The following AGO1 variants were observed in gnomAD, a reference collection of about 807,000 sequenced individuals.
AGO1 encodes the protein protein argonaute-1.
In AGO1, 11 loss-of-function variants were observed where a neutral mutation model predicts 109.2. The ratio of observed to expected loss-of-function variants is 0.10; its 90% CI spans 0.06 to 0.17. AGO1 has a LOEUF of 0.17. Ranked by LOEUF, AGO1 falls within the 10% of genes least tolerant of loss-of-function variation. The probability of loss-of-function intolerance (pLI) is 1.00; values close to 1 mark genes in which losing one functional copy is unlikely to be tolerated. For synonymous variants in AGO1, 422 were observed against 418.6 expected, an observed-to-expected ratio of 1.01 and a Z score of -0.10; for missense variants, 574 against 1,140.3, an observed-to-expected ratio of 0.50 and a Z score of 7.15.
chr1:35,918,418 A>G lies in AGO1; in HGVS notation c.2260A>G (p.Ile754Val). 1.2e-6 allele frequency: 2 copies of G among 1,613,434 alleles called. No homozygotes were observed. Among genetic ancestry groups the G allele is most frequent in the Non-Finnish European group, 1.7e-6 (2 of 1,179,328 alleles). The change falls in exon 17 of 19, where the codon ATC (isoleucine) becomes GTC (valine). Residue 754 changes from isoleucine (I) to valine (V), a missense_variant. By Grantham distance (29) the Ile-to-Val change is conservative. This residue lies in a region of AGO1 where 62 missense variants were observed against 192.0 expected (regional missense o/e 0.32). Transcript: ENST00000373204. ...FDFYLCSHAG[I>V]QGTSRPSHYY... ...CTTCTATCTGTGCAGCCACGCAGGC[A>G]TCCAGGTAGCTGGGCTTTATCTTGT...
chr1:35,888,434 C>A lies in AGO1; in HGVS notation c.33C>A (p.Gly11=). The A allele has an allele frequency of 6.2e-7, 1 of 1,613,952 alleles. No homozygotes were observed. The highest frequency in any genetic ancestry group is 2.2e-5 in the East Asian group (1 of 44,890). MEAGPSGAAA[G]AYLPPLQQVF... ...AGCCTCTTTGTCTTGTAGCTGCGGGCGCTTACCTGCCCCCCCTGCAGCAGG... is the reference window on the plus strand; with the variant it reads ...AGCCTCTTTGTCTTGTAGCTGCGGGAGCTTACCTGCCCCCCCTGCAGCAGG... Residue 11 remains glycine (G), a synonymous_variant, in exon 2 of 19, where the codon GGC becomes GGA. Coordinates refer to ENST00000373204, the MANE Select transcript of AGO1 (RefSeq NM_012199.5). This position sits in a 1 kb window ranked among gnomAD's most constrained non-coding sequence, Gnocchi z 4.1.
chr1:35,880,235 GGTGTAACTGAGCTGGGACCTTTGCCCTA>G (rs1338910825), upstream of AGO1, among the ~76,000 whole-genome samples: 5 of 152,046 alleles, frequency 3.3e-5, no homozygotes, highest in African/African-American at 4.8e-5. Flanking sequence ...CCTTTGCCCT[GGTGTAACTGAGCTGGGACCTTTGCCCTA>G]GTGTAACTGA....
Position 35,900,663 on chromosome 1 carries a change from G to T in AGO1, c.1021-811G>T, listed in dbSNP as rs1293289622. On this transcript the variant is annotated intron_variant, in intron 8 of 18. Transcript: ENST00000373204. The stretch of plus-strand genomic sequence containing the variant: ...AATCGCTTGAACCTGGGAGGTGAAG[G>T]TTGCAGTAAGCCGAGATCGTGCCAT... 2.6e-5 allele frequency among the ~76,000 whole-genome samples: 4 copies of T among 152,148 alleles called. No individual in the cohort carries two copies. The East Asian group carries it at 7.7e-4, about 29-fold the overall frequency.
At position 35,901,043 on chromosome 1, in the gene AGO1, G is replaced by C. The variant is rs530823271; in HGVS notation, c.1021-431G>C. The stretch of plus-strand genomic sequence containing the variant: ...GTCACCCAGGCTGGCGTTCAGTGGC[G>C]TGATCTGGGCTCACTGCAACCTCCG... On this transcript the variant is annotated intron_variant, in intron 8 of 18. Coordinates refer to ENST00000373204, the MANE Select transcript of AGO1 (RefSeq NM_012199.5). This position sits in a 1 kb window ranked among gnomAD's most constrained non-coding sequence, Gnocchi z 4.8. Among the ~76,000 whole-genome samples, 7 of 150,040 alleles carry C rather than the reference G, an allele frequency of 4.7e-5. No individual in the cohort carries two copies. In the East Asian group the frequency reaches 1.4e-3, roughly 30 times the overall value.
chr1:35,904,101 C>T (rs1162400834), intron 11 of AGO1, among the ~76,000 whole-genome samples: 1 of 149,604 alleles, frequency 6.7e-6, no homozygotes, highest in Non-Finnish European at 1.5e-5. Context: ...GTCTCCTTTC[C>T]TGAGCTCTTT....
intron 7 of AGO1, 109 bp from the exon 8 acceptor site, chr1:35,895,013 G>T: frequency 7.5e-7 from 1 of 1,326,192 alleles, no homozygotes; most frequent in Non-Finnish European, 1.0e-6. Context: ...ACATCATATT[G>T]GGGCCAAATG....
chr1:35,913,830 C>G lies in AGO1; in HGVS notation c.1583-12C>G. ...TGTTGAATGCACTAATCATTTCTCT[C>G]CCTGCCCTTAGCTGAGGTGAAACGT... On this transcript the variant is annotated splice_polypyrimidine_tract_variant and intron_variant, in intron 12 of 18. Coordinates refer to ENST00000373204, the MANE Select transcript of AGO1 (RefSeq NM_012199.5). 6.2e-7 allele frequency: 1 copy of G among 1,612,986 alleles called. No homozygotes were observed. The highest frequency in any genetic ancestry group is 8.5e-7 in the Non-Finnish European group (1 of 1,179,372).
intron 2 of AGO1, among the ~76,000 whole-genome samples, chr1:35,890,065 C>T (rs1645189480): frequency 6.6e-6 from 1 of 151,978 alleles, no homozygotes; most frequent in South Asian, 2.1e-4. Flanking sequence ...CTCTGTCATC[C>T]AGGCTAGAGT....
chr1:35,915,138 C>G (rs1451810096), intron 14 of AGO1, among the ~76,000 whole-genome samples: 1 of 152,032 alleles, frequency 6.6e-6, no homozygotes, highest in Non-Finnish European at 1.5e-5. Flanking sequence ...AGCAGGTGTT[C>G]TTATCACCAT....
chr1:35,901,471 C>T lies in AGO1; in HGVS notation c.1021-3C>T. 1 of 1,613,972 alleles carries T rather than the reference C, an allele frequency of 6.2e-7. No homozygotes were observed. The highest frequency in any genetic ancestry group is 1.6e-4 in the Middle Eastern group (1 of 6,062). On this transcript the variant is annotated splice_region_variant and splice_polypyrimidine_tract_variant and intron_variant, in intron 8 of 18. Coordinates refer to ENST00000373204, the MANE Select transcript of AGO1 (RefSeq NM_012199.5). The surrounding 1 kb of genome is among the most constrained non-coding windows in gnomAD (Gnocchi z 4.8). Reference sequence around the variant, plus strand: ...GAGCTACCTGTCCTTCTTGTTTCCTCAGGTCTGTAACATTGTGGCTGGGCA... The same window carrying T: ...GAGCTACCTGTCCTTCTTGTTTCCTTAGGTCTGTAACATTGTGGCTGGGCA...
chr1:35,914,016 G>A lies in AGO1; in HGVS notation c.1742+15G>A. 6.2e-7 allele frequency: 1 copy of A among 1,613,838 alleles called. No homozygotes were observed. Among genetic ancestry groups the A allele is most frequent in the Non-Finnish European group, 8.5e-7 (1 of 1,179,850 alleles). ...CCACACCAGCGGTATGAACTCTGTT[G>A]TCCACTTGCCCTTGTCAAGGTACCA... is the stretch of plus-strand genomic sequence containing the variant. On this transcript the variant is annotated intron_variant, in intron 13 of 18. Transcript: ENST00000373204.
intron 1 of AGO1, among the ~76,000 whole-genome samples, chr1:35,878,030 G>A (rs1033412958): frequency 1.3e-5 from 2 of 150,518 alleles, no homozygotes; most frequent in African/African-American, 4.9e-5. Flanking sequence ...TGATTTGGGG[G>A]GTTAAATATA....
rs1393337895 is a variant in AGO1, at chr1:35,927,196, A to G, written c.*7589A>G. On this transcript the variant is annotated 3_prime_UTR_variant, in exon 19 of 19. Coordinates refer to ENST00000373204, the MANE Select transcript of AGO1 (RefSeq NM_012199.5). ...TTTCTACAGTATCTTATATAATTGC[A>G]TCTTACAGCATCTTTACATGCGAAA... The G allele has an allele frequency of 1.3e-5, 2 of 152,094 alleles. No homozygotes were observed. The highest frequency in any genetic ancestry group is 3.9e-4 in the East Asian group (2 of 5,190). The allele number at this position is 152,094 out of a possible 1,614,324, so 9.4% of individuals were successfully genotyped here. A position where few individuals can be genotyped will look rare whatever the true frequency, so the allele number is the denominator to read the frequency against.
upstream of AGO1, among the ~76,000 whole-genome samples, chr1:35,878,304 C>T (rs1047195198): frequency 2.0e-5 from 3 of 151,834 alleles, no homozygotes; most frequent in Non-Finnish European, 2.9e-5. Context: ...CCAGGACAGT[C>T]TCAATCTCCT....
At chr1:35,916,734 T>C (rs1645742815) in intron 15 of AGO1, among the ~76,000 whole-genome samples, 1 of 152,248 alleles carries the variant, frequency 6.6e-6, no homozygotes, top group African/African-American at 2.4e-5. Flanking sequence ...ATATCACATA[T>C]CTGTTCAGAA....
At chr1:35,883,044 C>T (rs1401880876), upstream of AGO1, among the ~76,000 whole-genome samples, 1 of 152,198 alleles carries the variant, frequency 6.6e-6, no homozygotes, top group African/African-American at 2.4e-5. This position sits in a 1 kb window ranked among gnomAD's most constrained non-coding sequence, Gnocchi z 5.4. Context: ...CAAGGCACCT[C>T]TACTGGCGCC....
chr1:35,901,634 G>T lies in AGO1; in HGVS notation c.1140+41G>T. The stretch of plus-strand genomic sequence containing the variant: ...CATTTGCTCAGTCATTGGGGCCATT[G>T]GTAGCATAAATGTTTTAATGCCCCA... On this transcript the variant is annotated intron_variant, in intron 9 of 18. Transcript: ENST00000373204. The surrounding 1 kb of genome is among the most constrained non-coding windows in gnomAD (Gnocchi z 4.8). The T allele has an allele frequency of 1.2e-6, 2 of 1,613,180 alleles. No individual in the cohort carries two copies. Among genetic ancestry groups the T allele is most frequent in the South Asian group, 2.2e-5 (2 of 90,870 alleles).
rs1181737936 is a variant in AGO1 at position 35,922,127 on chromosome 1, A to G, written c.*2520A>G. 6.6e-6 allele frequency: 1 copy of G among 152,586 alleles called. No individual in the cohort carries two copies. Among genetic ancestry groups the G allele is most frequent in the Non-Finnish European group, 1.5e-5 (1 of 68,052 alleles). The allele number at this position is 152,586 out of a possible 1,614,324, so 9.5% of individuals were successfully genotyped here. A position where few individuals can be genotyped will look rare whatever the true frequency, so the allele number is the denominator to read the frequency against. ...GGTGGCAGCCTCTACTCCCAGCAACAAGTTTGTGTTCTCTCCTTTTCTCTC... is the reference window on the plus strand; with the variant it reads ...GGTGGCAGCCTCTACTCCCAGCAACGAGTTTGTGTTCTCTCCTTTTCTCTC... On this transcript the variant is annotated 3_prime_UTR_variant, in exon 19 of 19. Coordinates refer to ENST00000373204, the MANE Select transcript of AGO1 (RefSeq NM_012199.5).
At chr1:35,904,108 C>CTTT (rs1198233881) in intron 11 of AGO1, among the ~76,000 whole-genome samples, 49 of 110,962 alleles carry the variant, frequency 4.4e-4, no homozygotes, top group South Asian at 8.8e-4. Context: ...TTCCTGAGCT[C>CTTT]TTTTTTTTTT....
Sources: gnomAD v4.1 joint callset for allele counts (sites outside exome capture counted in the v4.1 genomes callset) on GRCh38, gnomAD v4.1.1 for gene constraint, gnomAD v4.1.1 regional missense constraint, Gnocchi (gnomAD v3.1) non-coding constraint, MANE v1.5 for transcripts, NCBI Gene and HGNC (gene_info 2026-07-23, HGNC 2026-07-21) for gene names.